Variants in HSD17B4 observed in about 807,000 individuals in gnomAD.
HSD17B4 encodes hydroxysteroid 17-beta dehydrogenase 4.
HSD17B4 carries 70 observed loss-of-function variants against 101.0 expected under a neutral mutation model. The observed-to-expected ratio is 0.69, with a 90% confidence interval of 0.57 to 0.85. The LOEUF (loss-of-function observed/expected upper bound fraction) is 0.85, where lower values mean the gene tolerates loss of function less well. Among genes scored for constraint, HSD17B4 ranks in the 40% least tolerant of loss-of-function variants. The pLI, the probability that HSD17B4 is intolerant of heterozygous loss-of-function variation, is 0.00. For missense variants in HSD17B4, 984 were observed against 892.4 expected, an observed-to-expected ratio of 1.10 and a Z score of -1.31; for synonymous variants, 347 against 297.1, an observed-to-expected ratio of 1.17 and a Z score of -1.73.
chr5:119,489,623 T>G (rs973188922), intron 9 of HSD17B4, among the ~76,000 whole-genome samples: 1 of 152,128 alleles, frequency 6.6e-6, no homozygotes, highest in Non-Finnish European at 1.5e-5. Context: ...GAATTCTTAT[T>G]CTGGGAATTG....
chr5:119,530,845 C>CAAAAAAAAAAAAAAA (rs11423247), intron 21 of HSD17B4, among the ~76,000 whole-genome samples: 2 of 56,324 alleles, frequency 3.6e-5, no homozygotes, highest in East Asian at 9.9e-4. Flanking sequence ...AAGTCTGTCT[C>CAAAAAAAAAAAAAAA]AAAAAAAAAA....
At chr5:119,503,076 T>TTGTATG (rs1751321134) in intron 14 of HSD17B4, among the ~76,000 whole-genome samples, 1 of 140,534 alleles carries the variant, frequency 7.1e-6, no homozygotes, top group African/African-American at 2.7e-5. Flanking sequence ...ACCTTGGAAA[T>TTGTATG]TGTGTGTGTG....
chr5:119,525,708 G>GTTTTTTTTTTT, intron 18 of HSD17B4: 3 of 564,878 alleles, frequency 5.3e-6, no homozygotes, highest in Non-Finnish European at 6.2e-6. Flanking sequence ...TTCTTTTCCT[G>GTTTTTTTTTTT]TTTTGTTTTT....
At chr5:119,452,965 T>C (rs1364570421) in intron 1 of HSD17B4, 12 of 972,542 alleles carry the variant, frequency 1.2e-5, no homozygotes, top group Non-Finnish European at 1.7e-5. Context: ...TTACTCTTCC[T>C]GCAATTAACT....
intron 1 of HSD17B4, among the ~76,000 whole-genome samples, chr5:119,454,352 C>T (rs1266285239): frequency 6.6e-6 from 1 of 151,264 alleles, no homozygotes; most frequent in African/African-American, 2.4e-5. Flanking sequence ...TGTACCCAGG[C>T]TGGAGTGCAG....
intron 12 of HSD17B4, 51 bp from the exon 13 acceptor site, chr5:119,499,266 A>G (rs1187125543): frequency 8.0e-7 from 1 of 1,247,158 alleles, no homozygotes; most frequent in East Asian, 2.3e-5. Context: ...AGAAGTTAAT[A>G]GTTTTGAAAA....
chr5:119,483,879 A>C (rs1395677314), intron 8 of HSD17B4, among the ~76,000 whole-genome samples: 1 of 152,208 alleles, frequency 6.6e-6, no homozygotes, highest in African/African-American at 2.4e-5. Flanking sequence ...AAACAAAATA[A>C]CTTGCTAATA....
At chr5:119,461,913 G>C (rs562369308) in intron 2 of HSD17B4, among the ~76,000 whole-genome samples, 2 of 151,908 alleles carry the variant, frequency 1.3e-5, no homozygotes, top group Non-Finnish European at 2.9e-5. Context: ...CCCAATATTC[G>C]TACATTCCCA....
At chr5:119,511,042 T>A (rs1752123091) in intron 16 of HSD17B4, among the ~76,000 whole-genome samples, 2 of 152,150 alleles carry the variant, frequency 1.3e-5, no homozygotes, top group African/African-American at 4.8e-5. Flanking sequence ...GCGTGGAGGT[T>A]CCGTGGTTGG....
intron 13 of HSD17B4, among the ~76,000 whole-genome samples, chr5:119,501,619 T>C (rs989496088): frequency 6.6e-6 from 1 of 152,150 alleles, no homozygotes; most frequent in Non-Finnish European, 1.5e-5. Context: ...GTTTTAGTTG[T>C]GTCGTTTGTA....
intron 14 of HSD17B4, 23 bp from the exon 15 acceptor site, chr5:119,506,795 A>G: frequency 7.3e-7 from 1 of 1,371,790 alleles, no homozygotes; most frequent in Non-Finnish European, 1.0e-6. Context: ...AAGACACTGT[A>G]TTTCTTTTAC....
At position 119,542,228 on chromosome 5, in the gene HSD17B4, A is replaced by G. The variant is rs890863164; in HGVS notation, c.*234A>G. 6 of 336,298 alleles carry G rather than the reference A, an allele frequency of 1.8e-5. No individual in the cohort carries two copies. The highest frequency in any genetic ancestry group is 1.7e-4 in the African/African-American group (6 of 34,286). The allele number at this position is 336,298 out of a possible 1,614,324, so 20.8% of individuals were successfully genotyped here. A position where few individuals can be genotyped will look rare whatever the true frequency, so the allele number is the denominator to read the frequency against. On this transcript the variant is annotated 3_prime_UTR_variant, in exon 24 of 24. Coordinates refer to ENST00000510025, the MANE Select transcript of HSD17B4 (RefSeq NM_000414.4). ...ATTATCCTTCTGTTCTTAGATCTGT[A>G]TCTTCATAATAAAAAATTTTGCCCA...
intron 17 of HSD17B4, among the ~76,000 whole-genome samples, chr5:119,524,047 A>G (rs984909665): frequency 1.3e-5 from 2 of 152,134 alleles, no homozygotes; most frequent in East Asian, 1.9e-4. Flanking sequence ...ATTTTATTAT[A>G]TAAAGTGCTT....
At position 119,478,880 on chromosome 5, in the gene HSD17B4, C is replaced by G. The variant is rs747162503; in HGVS notation, c.481C>G (p.Gln161Glu). 3 of 1,613,654 alleles carry G rather than the reference C, an allele frequency of 1.9e-6. No homozygotes were observed. Among genetic ancestry groups the G allele is most frequent in the Middle Eastern group, 3.3e-4 (2 of 6,054 alleles). ...TTCAGGAATATATGGCAACTTTGGCCAGGCCAATTATAGTGCTGCAAAGTT... is the reference window on the plus strand; with the variant it reads ...TTCAGGAATATATGGCAACTTTGGCGAGGCCAATTATAGTGCTGCAAAGTT... ...SASGIYGNFGQANYSAAKLGL... is the reference protein window; with the variant it reads ...SASGIYGNFGEANYSAAKLGL... The change falls in exon 8 of 24, where the codon CAG becomes GAG. Residue 161 changes from glutamine to glutamate, a missense_variant. Gln to Glu is a conservative substitution (Grantham distance 29, BLOSUM62 2). Transcript: ENST00000510025.
intron 8 of HSD17B4, among the ~76,000 whole-genome samples, chr5:119,481,785 G>A (rs969061837): frequency 2.6e-5 from 4 of 152,142 alleles, no homozygotes; most frequent in African/African-American, 7.2e-5. Context: ...TATTTGCATA[G>A]CATGATAAAG....
intron 17 of HSD17B4, among the ~76,000 whole-genome samples, chr5:119,517,452 G>A (rs995058404): frequency 2.0e-4 from 30 of 152,214 alleles, no homozygotes; most frequent in African/African-American, 4.8e-4. Flanking sequence ...GCTCCACGGC[G>A]CCCAGTCCCA....
At chr5:119,472,215 C>G (rs1249002012) in intron 2 of HSD17B4, among the ~76,000 whole-genome samples, 1 of 152,124 alleles carries the variant, frequency 6.6e-6, no homozygotes, top group Non-Finnish European at 1.5e-5. Context: ...ATATTTTAAG[C>G]TCATGCGTGT....
At chr5:119,511,789 G>A (rs560334893) in intron 16 of HSD17B4, among the ~76,000 whole-genome samples, 177 of 152,294 alleles carry the variant, frequency 1.2e-3, no homozygotes, top group Non-Finnish European at 1.8e-3. Flanking sequence ...AGGGGTGGGG[G>A]ATTAGTGTCT....
Position 119,456,295 on chromosome 5 carries a change from A to AT in HSD17B4, c.59-18dup, listed in dbSNP as rs1233622855. 3 of 1,587,420 alleles carry AT rather than the reference A, an allele frequency of 1.9e-6. No individual in the cohort carries two copies. The highest frequency in any genetic ancestry group is 2.6e-6 in the Non-Finnish European group (3 of 1,155,902). ...ATGCTGACATTTCTTCAACTTTCTG[A>AT]TTATTTTGTTTTTGATTAGGATTGG... On this transcript the variant is annotated intron_variant, in intron 1 of 23. Transcript: ENST00000510025.
Sources: gnomAD v4.1 joint callset for allele counts (sites outside exome capture counted in the v4.1 genomes callset) on GRCh38, gnomAD v4.1.1 for gene constraint, MANE v1.5 for transcripts, NCBI Gene and HGNC (gene_info 2026-07-23, HGNC 2026-07-21) for gene names.